TAPT1: variants seen among roughly 807,000 people sequenced by gnomAD.
TAPT1 encodes the protein transmembrane anterior posterior transformation protein 1 homolog.
Under a neutral mutation model 65.6 loss-of-function variants are expected in TAPT1, and 28 were observed. That is an observed-to-expected ratio of 0.43 (90% CI 0.32 to 0.59). The LOEUF is 0.59. TAPT1 is among the 20% of genes least tolerant of loss of function. The pLI is 0.09. For synonymous variants in TAPT1, 278 were observed against 245.2 expected, an observed-to-expected ratio of 1.13 and a Z score of -1.25; for missense variants, 563 against 679.9, an observed-to-expected ratio of 0.83 and a Z score of 1.91.
chr4:16,200,384 A>G (rs1749960122), intron 3 of TAPT1, among the ~76,000 whole-genome samples: 1 of 151,966 alleles, frequency 6.6e-6, no homozygotes, highest in Non-Finnish European at 1.5e-5. Context: ...GTGCAGTGGC[A>G]TAATCATGGC....
At chr4:16,202,923 C>G (rs945427594) in intron 2 of TAPT1, among the ~76,000 whole-genome samples, 8 of 152,126 alleles carry the variant, frequency 5.3e-5, no homozygotes, top group Admixed American at 4.6e-4. Flanking sequence ...TATTAGAATG[C>G]TTCATTGATG....
At chr4:16,193,341 G>T (rs952136226) in intron 3 of TAPT1, among the ~76,000 whole-genome samples, 2 of 152,148 alleles carry the variant, frequency 1.3e-5, no homozygotes, top group Admixed American at 6.5e-5. Context: ...TGAAGTTAAG[G>T]CTTCAGGAAA....
intron 3 of TAPT1, among the ~76,000 whole-genome samples, chr4:16,191,736 G>A (rs2149693187): frequency 6.6e-6 from 1 of 152,322 alleles, no homozygotes; most frequent in Middle Eastern, 3.4e-3. Context: ...TTTTAAGTAA[G>A]AATTACTATT....
At chr4:16,197,065 G>GGTAA (rs1749749888) in intron 3 of TAPT1, among the ~76,000 whole-genome samples, 1 of 152,110 alleles carries the variant, frequency 6.6e-6, no homozygotes, top group Non-Finnish European at 1.5e-5. Context: ...TTTCGAAAGA[G>GGTAA]GTAAGGCATA....
intron 8 of TAPT1, among the ~76,000 whole-genome samples, chr4:16,177,872 A>C (rs1198753463): frequency 6.6e-6 from 1 of 152,172 alleles, no homozygotes; most frequent in Admixed American, 6.5e-5. Context: ...AAAACCTAAA[A>C]CAAGAGTGAA....
At position 16,179,804 on chromosome 4, in the gene TAPT1, G is replaced by GTGTATATATATATATATATATA. The variant is rs1553825039; in HGVS notation, c.917-148_917-147insTATATATATATATATATATACA. The stretch of plus-strand genomic sequence containing the variant: ...TATACAACTTTATATATATATATAT[G>GTGTATATATATATATATATATA]TGTGTGTGTGTGTGTGTGTGTGTAT... On this transcript the variant is annotated intron_variant, in intron 7 of 13. Transcript: ENST00000405303. 0.028 allele frequency: 3,106 copies of GTGTATATATATATATATATATA among 111,294 alleles called. 37 individuals carry two copies. The highest frequency in any genetic ancestry group is 0.036 in the Admixed American group (359 of 9,898). 6.9% of individuals were successfully genotyped at this position (111,294 alleles called of 1,614,324 possible).
intron 2 of TAPT1, among the ~76,000 whole-genome samples, chr4:16,212,946 A>C (rs776279288): frequency 2.0e-5 from 3 of 152,212 alleles, no homozygotes; most frequent in Non-Finnish European, 4.4e-5. Context: ...TGCCTGCAGT[A>C]CCTCTTGTTA....
intron 8 of TAPT1, among the ~76,000 whole-genome samples, chr4:16,178,442 T>C (rs989489811): frequency 6.6e-6 from 1 of 152,082 alleles, no homozygotes; most frequent in African/African-American, 2.4e-5. Flanking sequence ...ATACTGGGAG[T>C]AATAAATGAA....
chr4:16,223,522 A>C lies in TAPT1; in HGVS notation c.199+2737T>G, dbSNP rs115154839. Among the ~76,000 whole-genome samples the C allele has an allele frequency of 6.5e-3, 990 of 152,302 alleles. 10 individuals carry two copies. Among genetic ancestry groups the C allele is most frequent in the African/African-American group, 0.022 (912 of 41,550 alleles). Reference sequence around the variant, plus strand: ...TTCTGAGAGAGCAAATAAAAACAGGAATGATGAGTGGGATTCCCAATTCTA... The same window carrying C: ...TTCTGAGAGAGCAAATAAAAACAGGCATGATGAGTGGGATTCCCAATTCTA... On this transcript the variant is annotated intron_variant, in intron 1 of 13. Coordinates refer to ENST00000405303, the MANE Select transcript of TAPT1 (RefSeq NM_153365.3).
intron 3 of TAPT1, among the ~76,000 whole-genome samples, chr4:16,192,911 A>G (rs1231038556): frequency 6.6e-6 from 1 of 152,240 alleles, no homozygotes; most frequent in Non-Finnish European, 1.5e-5. Flanking sequence ...TTGGCTACAT[A>G]TTCTCCAGAG....
At position 16,174,287 on chromosome 4, in the gene TAPT1, A is replaced by G. The variant is rs145574086; in HGVS notation, c.1168-15T>C. ...TCAGTGTATGCCTGAACAGAGAAAG[A>G]AGCAAAAGATTCAGATTTATGGGAT... On this transcript the variant is annotated splice_polypyrimidine_tract_variant and intron_variant, in intron 10 of 13. Transcript: ENST00000405303. The G allele has an allele frequency of 1.2e-4, 199 of 1,592,370 alleles. No individual in the cohort carries two copies. In the African/African-American group the frequency reaches 2.5e-3, roughly 20 times the overall value.
At chr4:16,226,613 G>A, upstream of TAPT1, 1 of 354,810 alleles carries the variant, frequency 2.8e-6, no homozygotes, top group Non-Finnish European at 3.9e-6. Context: ...ATTGGCGTCA[G>A]CGACGCGTGT....
intron 3 of TAPT1, among the ~76,000 whole-genome samples, chr4:16,198,265 G>A (rs978780622): frequency 3.3e-5 from 5 of 152,140 alleles, no homozygotes; most frequent in African/African-American, 4.8e-5. Flanking sequence ...CAGAGAACAC[G>A]GGGGTCTATG....
chr4:16,214,996 T>TA (rs1158233873), intron 1 of TAPT1, among the ~76,000 whole-genome samples: 12 of 151,948 alleles, frequency 7.9e-5, no homozygotes, highest in Non-Finnish European at 1.3e-4. Flanking sequence ...GCGTTTATAG[T>TA]AAAAAATATC....
chr4:16,187,187 T>G (rs573243453), intron 5 of TAPT1, among the ~76,000 whole-genome samples: 1 of 152,226 alleles, frequency 6.6e-6, no homozygotes, highest in African/African-American at 2.4e-5. Flanking sequence ...GCTCAGGAAA[T>G]AGGCCCTCAA....
At chr4:16,177,438 G>T (rs908305217) in intron 8 of TAPT1, among the ~76,000 whole-genome samples, 2 of 152,182 alleles carry the variant, frequency 1.3e-5, no homozygotes, top group Non-Finnish European at 2.9e-5. Flanking sequence ...CAGGTAGCCG[G>T]AAGGTGGGAT....
Position 16,213,751 on chromosome 4 carries a change from T to C in TAPT1, c.330+17A>G. On this transcript the variant is annotated intron_variant, in intron 2 of 13. Coordinates refer to ENST00000405303, the MANE Select transcript of TAPT1 (RefSeq NM_153365.3). ...TAACTTTCAAAATGATGTCTGGTAA[T>C]GAAGAAAAAATAGTACCTTTTCCAA... 1 of 1,537,756 alleles carries C rather than the reference T, an allele frequency of 6.5e-7. No homozygotes were observed. Among genetic ancestry groups the C allele is most frequent in the Non-Finnish European group, 8.7e-7 (1 of 1,151,348 alleles).
chr4:16,216,013 C>T (rs1407017967), intron 1 of TAPT1: 3 of 152,142 alleles, frequency 2.0e-5, no homozygotes, highest in African/African-American at 7.2e-5. Flanking sequence ...ATGTAAAAAT[C>T]GAGAAGCAAC....
chr4:16,217,247 T>C (rs530260585), intron 1 of TAPT1, among the ~76,000 whole-genome samples: 1 of 152,314 alleles, frequency 6.6e-6, no homozygotes, highest in African/African-American at 2.4e-5. Flanking sequence ...GGTTTTCTCA[T>C]TCACCTTTGC....
Sources: gnomAD v4.1 joint callset for allele counts (sites outside exome capture counted in the v4.1 genomes callset) on GRCh38, gnomAD v4.1.1 for gene constraint, MANE v1.5 for transcripts, NCBI Gene and HGNC (gene_info 2026-07-23, HGNC 2026-07-21) for gene names.